Variants in EXOSC10 observed in about 807,000 individuals in gnomAD.
The protein encoded by EXOSC10 is exosome component 10.
A neutral mutation model predicts 126.6 loss-of-function variants in EXOSC10; 94 were observed. That is an observed-to-expected ratio of 0.74 (90% CI 0.63 to 0.88). The LOEUF (loss-of-function observed/expected upper bound fraction) is 0.88, where lower values mean the gene tolerates loss of function less well. Ranked by LOEUF, EXOSC10 falls within the 40% of genes least tolerant of loss-of-function variation. EXOSC10 has a pLI of 0.00. For missense variants in EXOSC10, 1,041 were observed against 1,100.5 expected, an observed-to-expected ratio of 0.95 and a Z score of 0.77; for synonymous variants, 395 against 400.8, an observed-to-expected ratio of 0.99 and a Z score of 0.17.
rs746153780 is a variant in EXOSC10, at chr1:11,077,406, G to C, written c.1838C>G (p.Ser613Cys). ...TGGATAGCCATCCGGAGGGGCATGG[G>C]AGCAGTCGTGAGGTCCAAAGAGAAC... The part of the protein sequence containing the change: ...ENVLFGPHDC[S>C]HAPPDGYPII... The change falls in exon 16 of 25, where the codon TCC becomes TGC. Residue 613 changes from serine to cysteine, a missense_variant. Physicochemically the swap from Ser to Cys is moderately radical, Grantham distance 112. Coordinates refer to ENST00000376936, the MANE Select transcript of EXOSC10 (RefSeq NM_001001998.3). 1 of 1,613,956 alleles carries C rather than the reference G, an allele frequency of 6.2e-7. No homozygotes were observed.
chr1:11,094,230 G>C (rs150501729), intron 3 of EXOSC10, among the ~76,000 whole-genome samples: 1 of 151,868 alleles, frequency 6.6e-6, no homozygotes, highest in African/African-American at 2.4e-5. Flanking sequence ...CTCTTACCTC[G>C]GCCTCCTACA....
chr1:11,069,538 G>A (rs777486086), intron 22 of EXOSC10, 21 bp downstream of exon 22: 2 of 1,609,730 alleles, frequency 1.2e-6, no homozygotes, highest in South Asian at 1.1e-5. Context: ...GTCCCTGTAT[G>A]GGGCCCCATT....
intron 14 of EXOSC10, 23 bp from the exon 15 acceptor site, chr1:11,077,674 T>C (rs770561017): frequency 5.6e-6 from 9 of 1,595,626 alleles, no homozygotes; most frequent in East Asian, 4.5e-5. Context: ...ACGAAGGGAA[T>C]TGAGGAAAGT....
At chr1:11,093,848 G>T (rs1254475467) in intron 3 of EXOSC10, among the ~76,000 whole-genome samples, 1 of 152,062 alleles carries the variant, frequency 6.6e-6, no homozygotes, top group African/African-American at 2.4e-5. Flanking sequence ...GGGGGGGATT[G>T]TTTGAGGCCA....
In EXOSC10 at chr1:11,068,050, A is replaced by T. The variant is rs1166842542; in HGVS notation, c.2585T>A (p.Val862Glu). Residue 862 changes from valine to glutamate, a missense_variant, in exon 24 of 25, where the codon GTG (valine) becomes GAG (glutamate). Coordinates refer to ENST00000376936, the MANE Select transcript of EXOSC10 (RefSeq NM_001001998.3). ...CIAAKKIKQSVGNKSMSFPTG... is the reference protein window; with the variant it reads ...CIAAKKIKQSEGNKSMSFPTG... ...TGGAAAGGACATGCTTTTGTTTCCC[A>T]CCGACTGTTTAATTTTTTTGGCTGC... 1.2e-6 allele frequency: 2 copies of T among 1,613,878 alleles called. No homozygotes were observed. Among genetic ancestry groups the T allele is most frequent in the Non-Finnish European group, 1.7e-6 (2 of 1,179,998 alleles).
rs773474927 is a variant in EXOSC10 at position 11,091,020 on chromosome 1, G to T, written c.637C>A (p.Pro213Thr). Residue 213 changes from proline (P) to threonine (T), a missense_variant, in exon 5 of 25, where the codon CCT becomes ACT. Pro to Thr is a conservative substitution (Grantham distance 38). Coordinates refer to ENST00000376936, the MANE Select transcript of EXOSC10 (RefSeq NM_001001998.3). ...CAAAGTATGCACTATTTACCTTGAG[G>T]GAGAGGTTTCTGAGCATTGGGTTTG... ...FIKPNAQKPLPQALSKERRER... is the reference protein window; with the variant it reads ...FIKPNAQKPLTQALSKERRER... 2 of 1,613,718 alleles carry T rather than the reference G, an allele frequency of 1.2e-6. No individual in the cohort carries two copies. Among genetic ancestry groups the T allele is most frequent in the Non-Finnish European group, 8.5e-7 (1 of 1,179,870 alleles).
At chr1:11,091,644 A>C in intron 3 of EXOSC10, 47 bp from the exon 4 acceptor site, 1 of 1,430,704 alleles carries the variant, frequency 7.0e-7, no homozygotes, top group Non-Finnish European at 9.8e-7. Context: ...TTTTGAGGTT[A>C]GCAGAGTTAA....
chr1:11,078,563 G>C (rs574980052), intron 14 of EXOSC10, among the ~76,000 whole-genome samples: 5 of 152,074 alleles, frequency 3.3e-5, no homozygotes, highest in Admixed American at 2.0e-4. Flanking sequence ...GGCTGACCCT[G>C]TTTCAAAACA....
chr1:11,094,789 C>T (rs574163866), intron 3 of EXOSC10, among the ~76,000 whole-genome samples: 4 of 152,048 alleles, frequency 2.6e-5, no homozygotes, highest in East Asian at 2.0e-4. Flanking sequence ...TTAGTAGAGA[C>T]GGGGTTTCAC....
rs551658765 is a variant in EXOSC10 at position 11,076,993 on chromosome 1, TTTA to T, written c.1880-48_1880-46del. The T allele has an allele frequency of 1.1e-3, 1,645 of 1,514,706 alleles. 34 individuals carry two copies. The East Asian group carries it at 0.035, about 32-fold the overall frequency. The allele number at this position is 1,514,706 out of a possible 1,614,324, so 93.8% of individuals were successfully genotyped here. ...TAAGGTCAAAGCCTACAGAATTTTG[TTTA>T]TTTTTTCTTTTTGAGATGGAGTTTT... is the stretch of plus-strand genomic sequence containing the variant. On this transcript the variant is annotated intron_variant, in intron 16 of 24. Coordinates refer to ENST00000376936, the MANE Select transcript of EXOSC10 (RefSeq NM_001001998.3).
intron 19 of EXOSC10, 30 bp from the exon 20 acceptor site, chr1:11,072,201 A>C (rs1639544743): frequency 1.3e-6 from 2 of 1,567,250 alleles, no homozygotes; most frequent in Middle Eastern, 1.7e-4. Context: ...AACAAAAAAA[A>C]CCCTCCAAAG....
Position 11,070,948 on chromosome 1 carries a change from C to T in EXOSC10, c.2268G>A (p.Ala756=), listed in dbSNP as rs757748706. ...TGGCCTGTTCTGCTGCAGCTTTGCA[C>T]GCCTCCTTTGCCTGTTCCCGGGCAG... ...QTAAREQAKE[A]CKAAAEQAIS... The change falls in exon 21 of 25, where the codon GCG becomes GCA. Residue 756 remains alanine, a synonymous_variant. Coordinates refer to ENST00000376936, the MANE Select transcript of EXOSC10 (RefSeq NM_001001998.3). 52 of 1,614,014 alleles carry T rather than the reference C, an allele frequency of 3.2e-5. No homozygotes were observed. Among genetic ancestry groups the T allele is most frequent in the East Asian group, 4.5e-5 (2 of 44,896 alleles).
At chr1:11,072,059 G>A (rs372312457) in intron 20 of EXOSC10, 28 bp downstream of exon 20, 11 of 1,575,798 alleles carry the variant, frequency 7.0e-6, no homozygotes, top group African/African-American at 6.8e-5. Context: ...TTTAACAGCC[G>A]ACTGAGTTGC....
intron 10 of EXOSC10, 121 bp downstream of exon 10, chr1:11,082,567 G>A: frequency 2.0e-6 from 3 of 1,522,164 alleles, no homozygotes; most frequent in Non-Finnish European, 2.6e-6. Context: ...CTGGCGAAAA[G>A]CCTGATGCCA....
At chr1:11,070,205 C>T (rs1639378142) in intron 21 of EXOSC10, among the ~76,000 whole-genome samples, 1 of 147,918 alleles carries the variant, frequency 6.8e-6, no homozygotes, top group Non-Finnish European at 1.5e-5. Flanking sequence ...CCACTGTACT[C>T]CAGCCTGGGC....
At chr1:11,095,106 G>A (rs1005029840) in intron 3 of EXOSC10, among the ~76,000 whole-genome samples, 11 of 151,718 alleles carry the variant, frequency 7.3e-5, no homozygotes, top group Admixed American at 5.3e-4. Flanking sequence ...CAGCTACTCC[G>A]GAGGCTGAGG....
chr1:11,073,423 T>TGCCCA (rs1467316217), intron 19 of EXOSC10, among the ~76,000 whole-genome samples: 1 of 151,596 alleles, frequency 6.6e-6, no homozygotes, highest in East Asian at 2.0e-4. Flanking sequence ...TGAGCCACCA[T>TGCCCA]GCCCAGCCCA....
Position 11,089,629 on chromosome 1 carries a change from AAAAAAAAGAAAG to A in EXOSC10, c.758+913_758+924del, listed in dbSNP as rs1380756715. On this transcript the variant is annotated intron_variant, in intron 6 of 24. Transcript: ENST00000376936. ...AGAGCGAAACTCCGTCCCAAAAAAAAAAAAAAAGAAAGAAAGAAAGAAAGAAAGAAAACATGG... is the reference window on the plus strand; with the variant it reads ...AGAGCGAAACTCCGTCCCAAAAAAAAAAAGAAAGAAAGAAAGAAAACATGG... 9.9e-4 allele frequency among the ~76,000 whole-genome samples: 148 copies of A among 149,938 alleles called. 1 individual carries two copies. The highest frequency in any genetic ancestry group is 3.4e-3 in the African/African-American group (137 of 39,824).
At position 11,085,910 on chromosome 1, in the gene EXOSC10, C is replaced by T. The variant is rs568734382; in HGVS notation, c.1089+1538G>A. Among the ~76,000 whole-genome samples, 1,209 of 152,180 alleles carry T rather than the reference C, an allele frequency of 7.9e-3. 25 individuals are homozygous for T. Among genetic ancestry groups the T allele is most frequent in the African/African-American group, 0.027 (1,134 of 41,472 alleles). ...GTTTTTGTCTTTGGTTCTGTTTATA[C>T]GCTGCATTACATTTATTGATTTGCG... On this transcript the variant is annotated intron_variant, in intron 9 of 24. Transcript: ENST00000376936.
Sources: allele counts gnomAD v4.1 joint callset (sites outside exome capture counted in the v4.1 genomes callset), GRCh38; gene constraint gnomAD v4.1.1; transcripts MANE v1.5; gene names NCBI Gene and HGNC (gene_info 2026-07-23, HGNC 2026-07-21).